The following LUZP2 variants were observed in gnomAD, a reference collection of about 807,000 sequenced individuals.
LUZP2 encodes leucine zipper protein 2.
Under a neutral mutation model 51.6 loss-of-function variants are expected in LUZP2, and 52 were observed. The ratio of observed to expected loss-of-function variants is 1.01; its 90% CI spans 0.81 to 1.27. The LOEUF is 1.27. Ranked by LOEUF, LUZP2 falls within the 50% of genes most tolerant of loss-of-function variation. The probability of loss-of-function intolerance (pLI) is 0.00; values close to 1 mark genes in which losing one functional copy is unlikely to be tolerated. For missense variants in LUZP2, 436 were observed against 395.4 expected, an observed-to-expected ratio of 1.10 and a Z score of -0.87; for synonymous variants, 154 against 137.3, an observed-to-expected ratio of 1.12 and a Z score of -0.85.
intron 5 of LUZP2, among the ~76,000 whole-genome samples, chr11:24,832,242 C>T (rs1441793167): frequency 6.6e-6 from 1 of 151,846 alleles, no homozygotes; most frequent in African/African-American, 2.4e-5. Context: ...AGATTTCATA[C>T]TGGAAAATGT....
chr11:24,539,684 T>C (rs1310865939), intron 1 of LUZP2, among the ~76,000 whole-genome samples: 1 of 151,996 alleles, frequency 6.6e-6, no homozygotes, highest in Non-Finnish European at 1.5e-5. Context: ...CAGAAGTACA[T>C]ATATATAGGA....
intron 1 of LUZP2, among the ~76,000 whole-genome samples, chr11:24,663,004 AAAT>A (rs1028825408): frequency 2.6e-5 from 4 of 152,064 alleles, no homozygotes; most frequent in African/African-American, 9.7e-5. Flanking sequence ...TAAACTAAAT[AAAT>A]AATAATAATA....
chr11:24,969,080 T>C (rs2133892896), intron 7 of LUZP2, among the ~76,000 whole-genome samples: 1 of 152,316 alleles, frequency 6.6e-6, no homozygotes. Context: ...TGGTGGTTTG[T>C]TGTACATATT....
rs1371073922 is a variant in LUZP2 at position 24,996,621 on chromosome 11, T to C, written c.765+13328T>C. Among the ~76,000 whole-genome samples, 4 of 145,198 alleles carry C rather than the reference T, an allele frequency of 2.8e-5. No homozygotes were observed. In the East Asian group the frequency reaches 8.4e-4, roughly 31 times the overall value. ...TATTTTATTTTATTTTATTTTATTT[T>C]ATTTTATTTTATTATACTTTAAGTT... On this transcript the variant is annotated intron_variant, in intron 9 of 11. Transcript: ENST00000336930.
At chr11:24,559,737 T>A (rs1391861482) in intron 1 of LUZP2, among the ~76,000 whole-genome samples, 1 of 152,174 alleles carries the variant, frequency 6.6e-6, no homozygotes, top group Non-Finnish European at 1.5e-5. Context: ...AAATAAAAAA[T>A]CAGAGTTACA....
rs192786500 is a variant in LUZP2, at chr11:24,981,887, A to G, written c.598-1239A>G. On this transcript the variant is annotated intron_variant, in intron 8 of 11. Coordinates refer to ENST00000336930, the MANE Select transcript of LUZP2 (RefSeq NM_001009909.4). ...CTGACAAAGGTCTAATATCCAGCAT[A>G]TACAAGGAATTTAAATTTTTAAGAG... Among the ~76,000 whole-genome samples the G allele has an allele frequency of 5.6e-3, 847 of 151,898 alleles. 5 individuals are homozygous for G. The highest frequency in any genetic ancestry group is 0.02 in the African/African-American group (818 of 41,500).
chr11:24,550,974 G>A (rs78021103), intron 1 of LUZP2, among the ~76,000 whole-genome samples: 1 of 151,858 alleles, frequency 6.6e-6, no homozygotes, highest in East Asian at 1.9e-4. Flanking sequence ...CAAAATGTAT[G>A]TTTTTTATAC....
At chr11:24,819,442 T>C (rs553701558) in intron 5 of LUZP2, among the ~76,000 whole-genome samples, 1 of 152,222 alleles carries the variant, frequency 6.6e-6, no homozygotes, top group African/African-American at 2.4e-5. Flanking sequence ...ATATCCACAT[T>C]ATATTCCTGG....
At chr11:25,030,902 TATA>T (rs1336048646) in intron 9 of LUZP2, among the ~76,000 whole-genome samples, 1,329 of 47,586 alleles carry the variant, frequency 0.028, 166 homozygotes, top group African/African-American at 0.14. Context: ...TATATATATA[TATA>T]ATATATATTG....
chr11:24,638,420 A>C (rs1460786753), intron 1 of LUZP2, among the ~76,000 whole-genome samples: 1 of 151,736 alleles, frequency 6.6e-6, no homozygotes, highest in Non-Finnish European at 1.5e-5. Flanking sequence ...AAATACAAAA[A>C]TCCAAATTCT....
intron 5 of LUZP2, among the ~76,000 whole-genome samples, chr11:24,866,366 A>G (rs10834512): frequency 1.3e-5 from 2 of 152,128 alleles, no homozygotes; most frequent in Non-Finnish European, 2.9e-5. Flanking sequence ...AAAACTGGAC[A>G]TATTTCTTGT....
intron 7 of LUZP2, among the ~76,000 whole-genome samples, chr11:24,943,877 CA>C (rs33998362): frequency 0.48 from 49,635 of 103,308 alleles, 9,158 homozygotes; most frequent in East Asian, 0.71. Context: ...GACTCCATCT[CA>C]AAAAAAAAAA....
chr11:24,947,915 T>C (rs905337892), intron 7 of LUZP2, among the ~76,000 whole-genome samples: 1 of 151,938 alleles, frequency 6.6e-6, no homozygotes, highest in African/African-American at 2.4e-5. Context: ...TTCAACACTT[T>C]GACTGTGATA....
intron 7 of LUZP2, among the ~76,000 whole-genome samples, chr11:24,964,082 A>C (rs192127517): frequency 6.6e-6 from 1 of 152,194 alleles, no homozygotes; most frequent in Non-Finnish European, 1.5e-5. Context: ...AGAAACCTCC[A>C]TATGGTTTTC....
chr11:24,951,597 C>T (rs553848435), intron 7 of LUZP2, among the ~76,000 whole-genome samples: 10 of 151,360 alleles, frequency 6.6e-5, no homozygotes, highest in Middle Eastern at 3.4e-3. Context: ...TATCTTCACT[C>T]GTGGCTTTAG....
chr11:25,047,201 G>T (rs1452511098), intron 9 of LUZP2, among the ~76,000 whole-genome samples: 3 of 151,958 alleles, frequency 2.0e-5, no homozygotes, highest in African/African-American at 4.8e-5. Context: ...TATTACTCTT[G>T]TTCTTTTTAA....
chr11:24,752,213 A>T (rs147822068), intron 4 of LUZP2, among the ~76,000 whole-genome samples: 7 of 152,276 alleles, frequency 4.6e-5, no homozygotes, highest in African/African-American at 1.7e-4. Context: ...AAAATAAAAG[A>T]TACAATTACA....
intron 1 of LUZP2, among the ~76,000 whole-genome samples, chr11:24,650,137 G>A (rs573996347): frequency 6.6e-6 from 1 of 152,054 alleles, no homozygotes; most frequent in African/African-American, 2.4e-5. Flanking sequence ...TTGTAGTGGT[G>A]TAGATGTGGT....
intron 1 of LUZP2, among the ~76,000 whole-genome samples, chr11:24,523,505 A>AAAAG (rs1187216339): frequency 6.6e-6 from 1 of 150,754 alleles, no homozygotes; most frequent in African/African-American, 2.4e-5. Flanking sequence ...TTACAAAAAA[A>AAAAG]AGAATACTTC....
Sources: allele counts gnomAD v4.1 joint callset (sites outside exome capture counted in the v4.1 genomes callset), GRCh38; gene constraint gnomAD v4.1.1; transcripts MANE v1.5; gene names NCBI Gene and HGNC (gene_info 2026-07-23, HGNC 2026-07-21).